Variants in DOCK6 observed in about 807,000 individuals in gnomAD.
The protein encoded by DOCK6 is dedicator of cytokinesis protein 6.
A neutral mutation model predicts 230.3 loss-of-function variants in DOCK6; 167 were observed. That is an observed-to-expected ratio of 0.73 (90% CI 0.64 to 0.82). The LOEUF (loss-of-function observed/expected upper bound fraction) is 0.82. DOCK6 is among the 40% of genes least tolerant of loss of function. DOCK6 has a pLI of 0.00. For synonymous variants in DOCK6, 1,148 were observed against 1,185.0 expected, an observed-to-expected ratio of 0.97 and a Z score of 0.64; for missense variants, 2,598 against 2,825.8, an observed-to-expected ratio of 0.92 and a Z score of 1.83.
chr19:11,253,017 G>A (rs1049380726), intron 2 of DOCK6, 59 bp from the exon 3 acceptor site: 6 of 1,518,010 alleles, frequency 4.0e-6, no homozygotes, highest in South Asian at 2.5e-5. Flanking sequence ...GTGGGGGCAC[G>A]AGGCAGGGGT....
chr19:11,224,058 T>G (rs1039709875), intron 24 of DOCK6, among the ~76,000 whole-genome samples: 17 of 152,090 alleles, frequency 1.1e-4, no homozygotes, highest in Admixed American at 3.9e-4. Context: ...TGTGTGTGTG[T>G]GGGGCGGGGG....
chr19:11,199,883 C>T (rs2079139501), intron 47 of DOCK6, among the ~76,000 whole-genome samples: 1 of 152,082 alleles, frequency 6.6e-6, no homozygotes, highest in African/African-American at 2.4e-5. Context: ...GTGGTGGTGG[C>T]TCATGCTGTA....
intron 14 of DOCK6, chr19:11,240,027 T>C: frequency 6.5e-7 from 1 of 1,547,634 alleles, no homozygotes. Context: ...TGCCCAGGAC[T>C]GAAGGGATTC....
At chr19:11,215,646 G>T (rs1260059750) in intron 31 of DOCK6, 155 bp downstream of exon 31, 2 of 1,361,760 alleles carry the variant, frequency 1.5e-6, no homozygotes, top group African/African-American at 2.9e-5. Context: ...AGATGGGGAC[G>T]CACAGGCGCA....
At chr19:11,215,543 C>T (rs1568227393) in intron 31 of DOCK6, 72 bp from the exon 32 acceptor site, 3 of 1,470,974 alleles carry the variant, frequency 2.0e-6, no homozygotes, top group Admixed American at 1.9e-5. Context: ...GAGAAATGCA[C>T]AGGCATGAAG....
At position 11,201,853 on chromosome 19, in the gene DOCK6, C is replaced by T. The variant is rs1312836608; in HGVS notation, c.5688+36G>A. On this transcript the variant is annotated intron_variant, in intron 44 of 47. Transcript: ENST00000294618. The surrounding 1 kb of genome is among the most constrained non-coding windows in gnomAD (Gnocchi z 4.3). ...CTCCCAGGGTCTGATGTCCCCTCAC[C>T]TCCCCACCCCCGCCAGGCCCAGGAT... The T allele has an allele frequency of 1.3e-6, 2 of 1,485,760 alleles. No homozygotes were observed. Among genetic ancestry groups the T allele is most frequent in the East Asian group, 2.5e-5 (1 of 40,288 alleles). The allele number at this position is 1,485,760 out of a possible 1,614,324, so 92.0% of individuals were successfully genotyped here. A position where few individuals can be genotyped will look rare whatever the true frequency, so the allele number is the denominator to read the frequency against.
chr19:11,252,732 G>A, intron 3 of DOCK6, 51 bp downstream of exon 3: 1 of 1,595,958 alleles, frequency 6.3e-7, no homozygotes, highest in Non-Finnish European at 8.6e-7. Context: ...TGATGGGGTT[G>A]GCAGAGACAG....
rs1026525918 is a variant in DOCK6 at position 11,236,292 on chromosome 19, G to T, written c.2392+54C>A. Reference sequence around the variant, plus strand: ...TATAGAAGATCCCTCAGGACCTCAGGACTGAGAAGCCATGTGGATGGGGAA... The same window carrying T: ...TATAGAAGATCCCTCAGGACCTCAGTACTGAGAAGCCATGTGGATGGGGAA... On this transcript the variant is annotated intron_variant, in intron 20 of 47. Coordinates refer to ENST00000294618, the MANE Select transcript of DOCK6 (RefSeq NM_020812.4). The surrounding 1 kb of genome is among the most constrained non-coding windows in gnomAD (Gnocchi z 5.2). 6.1e-6 allele frequency: 9 copies of T among 1,473,810 alleles called. No homozygotes were observed. The African/African-American group carries it at 9.8e-5, about 16-fold the overall frequency. 91.3% of individuals were successfully genotyped at this position (1,473,810 alleles called of 1,614,324 possible).
In DOCK6 at chr19:11,243,578, G is replaced by C. The variant is rs763398919; in HGVS notation, c.1237C>G (p.Arg413Gly). 82 of 1,606,920 alleles carry C rather than the reference G, an allele frequency of 5.1e-5. No individual in the cohort carries two copies. The highest frequency in any genetic ancestry group is 6.5e-5 in the Non-Finnish European group (76 of 1,177,730). Residue 413 changes from arginine to glycine, a missense_variant, in exon 11 of 48, where the codon CGG becomes GGG. Physicochemically the swap from Arg to Gly is moderately radical, Grantham distance 125. Transcript: ENST00000294618. This position sits in a 1 kb window ranked among gnomAD's most constrained non-coding sequence, Gnocchi z 6.3. Reference sequence around the variant, plus strand: ...TCACCGCCCTCCGAGTCAGAGTCCCGGTCCAGCTGCCCAGCGCTGCTCACG... The same window carrying C: ...TCACCGCCCTCCGAGTCAGAGTCCCCGTCCAGCTGCCCAGCGCTGCTCACG... ...NIVSSAGQLD[R>G]DSDSEGERRP...
chr19:11,250,756 G>T, intron 6 of DOCK6, 118 bp downstream of exon 6: 1 of 1,025,640 alleles, frequency 9.8e-7, no homozygotes, highest in Non-Finnish European at 1.4e-6. Flanking sequence ...AACACTGATC[G>T]GATTAATACA....
At position 11,202,798 on chromosome 19, in the gene DOCK6, G is replaced by T; in HGVS notation, c.5236-89C>A. On this transcript the variant is annotated intron_variant, in intron 41 of 47. Coordinates refer to ENST00000294618, the MANE Select transcript of DOCK6 (RefSeq NM_020812.4). The surrounding 1 kb of genome is among the most constrained non-coding windows in gnomAD (Gnocchi z 5.3). ...AGATAGGTGTCTCGAATATCAGGAT[G>T]GGAGTGTGAGGACCCCGAGAACATC... 6.3e-7 allele frequency: 1 copy of T among 1,592,910 alleles called. No homozygotes were observed. The highest frequency in any genetic ancestry group is 1.1e-5 in the South Asian group (1 of 90,184).
rs1195367144 is a variant in DOCK6, at chr19:11,260,870, G to A, written c.44+1527C>T. 2.3e-3 allele frequency among the ~76,000 whole-genome samples: 23 copies of A among 10,120 alleles called. No individual in the cohort carries two copies. The Admixed American group carries it at 0.024, about 11-fold the overall frequency. The allele number at this position is 10,120 out of a possible 152,430, so 6.6% of individuals were successfully genotyped here. ...TGCACTCCAGTTTGGGTGACAGAGC[G>A]AGACTCTGTCTCAAAAAAAAAAAAA... On this transcript the variant is annotated intron_variant, in intron 1 of 47. Coordinates refer to ENST00000294618, the MANE Select transcript of DOCK6 (RefSeq NM_020812.4).
chr19:11,249,340 A>G (rs2080082207), intron 6 of DOCK6, among the ~76,000 whole-genome samples: 1 of 149,882 alleles, frequency 6.7e-6, no homozygotes, highest in African/African-American at 2.5e-5. Context: ...GTGAAACCCT[A>G]TCTCTACTAA....
intron 8 of DOCK6, 40 bp from the exon 9 acceptor site, chr19:11,245,752 A>G: frequency 6.2e-7 from 1 of 1,605,562 alleles, no homozygotes; most frequent in Admixed American, 1.7e-5. Flanking sequence ...ACCTCTGGGA[A>G]GCCCACAGCC....
Position 11,204,108 on chromosome 19 carries a change from G to T in DOCK6, c.5221-13C>A. ...CCCAGCCGGAACTCTGTGGGGAAGA[G>T]AAGGGTCAAGGTCAGCAGATCCCTG... is the stretch of plus-strand genomic sequence containing the variant. On this transcript the variant is annotated splice_polypyrimidine_tract_variant and intron_variant, in intron 40 of 47. Coordinates refer to ENST00000294618, the MANE Select transcript of DOCK6 (RefSeq NM_020812.4). 2.0e-6 allele frequency: 3 copies of T among 1,509,206 alleles called. No individual in the cohort carries two copies. The highest frequency in any genetic ancestry group is 2.7e-6 in the Non-Finnish European group (3 of 1,120,950). The allele number at this position is 1,509,206 out of a possible 1,614,324, so 93.5% of individuals were successfully genotyped here.
chr19:11,230,754 A>T (rs2079752894), intron 22 of DOCK6, among the ~76,000 whole-genome samples: 1 of 152,000 alleles, frequency 6.6e-6, no homozygotes, highest in Non-Finnish European at 1.5e-5. Flanking sequence ...TAGCAGAGAG[A>T]GCCCAAGGTT....
In DOCK6 at chr19:11,233,187, GC is replaced by G; in HGVS notation, c.2718+15del. 4 of 1,610,136 alleles carry G rather than the reference GC, an allele frequency of 2.5e-6. No homozygotes were observed. The highest frequency in any genetic ancestry group is 1.9e-4 in the Middle Eastern group (1 of 5,256). On this transcript the variant is annotated intron_variant, in intron 22 of 47. Transcript: ENST00000294618. The stretch of plus-strand genomic sequence containing the variant: ...AACCACTGAGGCTGGAGATTCCAGG[GC>G]CCCCGTTGCCCTACCTTGCTGGCCA...
intron 1 of DOCK6, among the ~76,000 whole-genome samples, chr19:11,254,289 G>T (rs899200944): frequency 6.6e-6 from 1 of 152,216 alleles, no homozygotes; most frequent in Non-Finnish European, 1.5e-5. Flanking sequence ...TGTGTCAGAG[G>T]TCAACCTGGC....
rs1850552209 is a variant in DOCK6 at position 11,200,857 on chromosome 19, A to C, written c.5833-35T>G. The C allele has an allele frequency of 1.2e-6, 2 of 1,613,044 alleles. No homozygotes were observed. The highest frequency in any genetic ancestry group is 1.7e-6 in the Non-Finnish European group (2 of 1,179,360). The stretch of plus-strand genomic sequence containing the variant: ...GAGAGGGACTGGTGAGCCAGCCTGC[A>C]TGGCACCTGGAGTCCCCCGTGCGGC... On this transcript the variant is annotated intron_variant, in intron 45 of 47. Coordinates refer to ENST00000294618, the MANE Select transcript of DOCK6 (RefSeq NM_020812.4). This position sits in a 1 kb window ranked among gnomAD's most constrained non-coding sequence, Gnocchi z 4.3.
Sources: gnomAD v4.1 joint callset for allele counts (sites outside exome capture counted in the v4.1 genomes callset) on GRCh38, gnomAD v4.1.1 for gene constraint, Gnocchi (gnomAD v3.1) non-coding constraint, MANE v1.5 for transcripts, NCBI Gene and HGNC (gene_info 2026-07-23, HGNC 2026-07-21) for gene names.